The following LINGO2 variants were observed in gnomAD, a reference collection of about 807,000 sequenced individuals.
LINGO2 encodes leucine rich repeat and Ig domain containing 2, also known as leucine-rich repeat and immunoglobulin-like domain-containing nogo receptor-interacting protein 2.
In LINGO2, 14 loss-of-function variants were observed where a neutral mutation model predicts 30.6. The observed-to-expected ratio is 0.46, with a 90% confidence interval of 0.30 to 0.72. The LOEUF is 0.72. Among genes scored for constraint, LINGO2 ranks in the 30% least tolerant of loss-of-function variants. LINGO2 has a pLI of 0.07. For missense variants in LINGO2, 729 were observed against 751.7 expected, an observed-to-expected ratio of 0.97 and a Z score of 0.35; for synonymous variants, 317 against 288.5, an observed-to-expected ratio of 1.10 and a Z score of -1.00.
the LINGO2 span, among the ~76,000 whole-genome samples, chr9:28,953,954 A>T: frequency 6.6e-6 from 1 of 152,130 alleles, no homozygotes; most frequent in Admixed American, 6.6e-5. Context: ...TAAATTAGGC[A>T]TAATCAAATT....
chr9:28,743,702 T>C, the LINGO2 span, among the ~76,000 whole-genome samples: 1 of 151,758 alleles, frequency 6.6e-6, no homozygotes, highest in African/African-American at 2.4e-5. Flanking sequence ...GGATGAGTAG[T>C]TTTTTTGTTT....
the LINGO2 span, among the ~76,000 whole-genome samples, chr9:29,116,003 C>T: frequency 2.0e-5 from 3 of 151,808 alleles, no homozygotes; most frequent in African/African-American, 7.3e-5. Flanking sequence ...TAAAATTATT[C>T]AAATCTAATT....
chr9:29,079,906 C>A, the LINGO2 span, among the ~76,000 whole-genome samples: 2 of 151,986 alleles, frequency 1.3e-5, no homozygotes, highest in African/African-American at 4.8e-5. Flanking sequence ...TATGTGACAA[C>A]CATTGTAATA....
chr9:27,945,955 C>G (rs1823348945), downstream of LINGO2, among the ~76,000 whole-genome samples: 1 of 152,136 alleles, frequency 6.6e-6, no homozygotes, highest in East Asian at 1.9e-4. Context: ...AGCACTGACA[C>G]AGTCAATATT....
chr9:28,377,933 T>C (rs1312081513), intron 2 of LINGO2, among the ~76,000 whole-genome samples: 2 of 152,210 alleles, frequency 1.3e-5, no homozygotes, highest in Non-Finnish European at 2.9e-5. Flanking sequence ...TCTATGCAGT[T>C]GTGAGAAAAT....
At chr9:28,277,615 C>T (rs1248775213) in intron 4 of LINGO2, among the ~76,000 whole-genome samples, 3 of 152,076 alleles carry the variant, frequency 2.0e-5, no homozygotes, top group East Asian at 3.9e-4. Flanking sequence ...ACCAGCCTGG[C>T]CAACATGGTG....
chr9:28,909,250 T>G, the LINGO2 span, among the ~76,000 whole-genome samples: 2 of 151,940 alleles, frequency 1.3e-5, no homozygotes, highest in African/African-American at 4.8e-5. Flanking sequence ...GTTGCTTGCA[T>G]GTATCATTTA....
At chr9:28,596,558 T>C (rs936293157) in intron 1 of LINGO2, among the ~76,000 whole-genome samples, 7 of 152,298 alleles carry the variant, frequency 4.6e-5, no homozygotes, top group Admixed American at 1.3e-4. Context: ...AATTGCTATA[T>C]AGATTGTTTT....
chr9:28,549,851 A>C lies in LINGO2; in HGVS notation c.-364-73826T>G, dbSNP rs868146173. 5.9e-5 allele frequency among the ~76,000 whole-genome samples: 9 copies of C among 151,580 alleles called. No homozygotes were observed. The South Asian group carries it at 1.9e-3, about 31-fold the overall frequency. On this transcript the variant is annotated intron_variant, in intron 1 of 5. Coordinates refer to ENST00000379992, the Ensembl canonical transcript of LINGO2. ...TTTTATTTTTTTCTCATACTCTTTA[A>C]TAGTTCTCGAAAATATCATTTTACC...
At chr9:28,910,514 A>G in the LINGO2 span, among the ~76,000 whole-genome samples, 2 of 151,978 alleles carry the variant, frequency 1.3e-5, no homozygotes, top group African/African-American at 4.8e-5. Context: ...CCATGTTGGA[A>G]ATGGGGTCTG....
At chr9:28,884,996 T>TTTTATA in the LINGO2 span, among the ~76,000 whole-genome samples, 6 of 15,892 alleles carry the variant, frequency 3.8e-4, no homozygotes, top group African/African-American at 1.3e-3. Context: ...TAATAATATA[T>TTTTATA]TATATATATA....
chr9:28,164,580 T>C (rs1828375295), intron 4 of LINGO2, among the ~76,000 whole-genome samples: 1 of 152,086 alleles, frequency 6.6e-6, no homozygotes, highest in African/African-American at 2.4e-5. Flanking sequence ...TAATGAACTA[T>C]ATTGGAGCAG....
chr9:28,216,248 G>C (rs1258893327), intron 4 of LINGO2, among the ~76,000 whole-genome samples: 1 of 151,882 alleles, frequency 6.6e-6, no homozygotes, highest in Non-Finnish European at 1.5e-5. Flanking sequence ...CCCATGGATA[G>C]CTTTTCTAAT....
chr9:29,083,035 G>A, the LINGO2 span, among the ~76,000 whole-genome samples: 30,006 of 152,028 alleles, frequency 0.2, 3,099 homozygotes, highest in African/African-American at 0.24. Context: ...CGATTCCTCA[G>A]GGATCTAGAA....
the LINGO2 span, among the ~76,000 whole-genome samples, chr9:28,760,462 GTTAT>G: frequency 6.6e-6 from 1 of 151,356 alleles, no homozygotes; most frequent in Non-Finnish European, 1.5e-5. Flanking sequence ...AAAACTTTAG[GTTAT>G]TTGTCTCTCT....
At chr9:27,949,141 C>A in exon 6 of LINGO2, 1 of 1,614,068 alleles carries the variant, frequency 6.2e-7, no homozygotes, top group Non-Finnish European at 8.5e-7. Flanking sequence ...GTCCTGTTCG[C>A]ATAAAGAAAA....
At chr9:28,611,223 A>T (rs1825900994) in intron 1 of LINGO2, among the ~76,000 whole-genome samples, 1 of 152,174 alleles carries the variant, frequency 6.6e-6, no homozygotes, top group Non-Finnish European at 1.5e-5. Flanking sequence ...TAATTGACAA[A>T]TTGTATACAA....
chr9:29,190,557 A>AGTGCTG, the LINGO2 span, among the ~76,000 whole-genome samples: 1 of 152,184 alleles, frequency 6.6e-6, no homozygotes. Flanking sequence ...ATATGATTAA[A>AGTGCTG]ATAGGTAAGA....
the LINGO2 span, among the ~76,000 whole-genome samples, chr9:28,730,547 C>T: frequency 6.6e-6 from 1 of 152,118 alleles, no homozygotes; most frequent in Non-Finnish European, 1.5e-5. Flanking sequence ...GTTTGCAAAG[C>T]ACATATCCAA....
Sources: gnomAD v4.1 joint callset for allele counts (sites outside exome capture counted in the v4.1 genomes callset) on GRCh38, gnomAD v4.1.1 for gene constraint, MANE v1.5 for transcripts, NCBI Gene and HGNC (gene_info 2026-07-23, HGNC 2026-07-21) for gene names.